The following CPHXL variants were observed in gnomAD, a reference collection of about 807,000 sequenced individuals.
CPHXL encodes cytoplasmic polyadenylated homeobox-like protein.
At position 75,718,370 on chromosome 16, in the gene CPHXL, T is replaced by C; in HGVS notation, c.114A>G (p.Glu38=). 2.5e-6 allele frequency: 1 copy of C among 398,808 alleles called. No individual in the cohort carries two copies. The highest frequency in any genetic ancestry group is 4.4e-6 in the Non-Finnish European group (1 of 226,190). The allele number at this position is 398,808 out of a possible 1,614,324, so 24.7% of individuals were successfully genotyped here. Residue 38 remains glutamate, a synonymous_variant, in exon 2 of 3, where the codon GAA becomes GAG. Coordinates refer to ENST00000640559, the MANE Select transcript of CPHXL (RefSeq NM_001355613.1). ...KTKHRHKFSE[E]LLQELKEIFG... is the part of the protein sequence containing the mutation. ...ATATTTCCTTAAGTTCCTGCAGTAA[T>C]TCTTCAGAAAATTTATGTCGGTGTT...
rs1028916779 is a variant in CPHXL at position 75,718,319 on chromosome 16, G to C, written c.165C>G (p.Tyr55Ter). The C allele has an allele frequency of 2.5e-6, 1 of 398,636 alleles. No individual in the cohort carries two copies. The highest frequency in any genetic ancestry group is 4.4e-6 in the Non-Finnish European group (1 of 226,214). 24.7% of individuals were successfully genotyped at this position (398,636 alleles called of 1,614,324 possible). A position where few individuals can be genotyped will look rare whatever the true frequency, so the allele number is the denominator to read the frequency against. The change falls in exon 2 of 3, where the codon TAC (tyrosine) becomes TAG (stop). Residue 55 changes from tyrosine to a stop codon, truncating the protein, a stop_gained. Coordinates refer to ENST00000640559, the MANE Select transcript of CPHXL (RefSeq NM_001355613.1). LOFTEE classifies it high-confidence loss of function. ...EIFGENCYPDYTTRKTLAIKF... is the reference protein window; with the variant it reads ...EIFGENCYPD Reference sequence around the variant, plus strand: ...TGATGGCCAGTGTTTTCCTAGTTGTGTAATCGGGATAACAGTTCTCTCCAA... The same window carrying C: ...TGATGGCCAGTGTTTTCCTAGTTGTCTAATCGGGATAACAGTTCTCTCCAA...
chr16:75,717,076 C>T (rs1158866031), intron 2 of CPHXL, among the ~76,000 whole-genome samples: 2 of 152,180 alleles, frequency 1.3e-5, no homozygotes, highest in Non-Finnish European at 1.5e-5. Flanking sequence ...TTGAGTCCAC[C>T]TTACCTTTCA....
chr16:75,718,232 C>T (rs934304868), intron 2 of CPHXL, 33 bp downstream of exon 2: 1 of 397,302 alleles, frequency 2.5e-6, no homozygotes, highest in East Asian at 3.6e-5. Flanking sequence ...AAAAAAAAAT[C>T]TAGGAAATAT....
rs1240992451 is a variant in CPHXL, at chr16:75,714,291, A to C, written c.1151T>G (p.Leu384Arg). ...SLQIAADSPL[L>R]PLGQDMQERA... ...TTCCTGCATATCTTGCCCCAGAGGCAGAAGGGGTGAGTCGGCAGCTATTTG... is the reference window on the plus strand; with the variant it reads ...TTCCTGCATATCTTGCCCCAGAGGCCGAAGGGGTGAGTCGGCAGCTATTTG... The change falls in exon 3 of 3, where the codon CTG becomes CGG. Residue 384 changes from leucine to arginine, a missense_variant. Coordinates refer to ENST00000640559, the MANE Select transcript of CPHXL (RefSeq NM_001355613.1). The C allele has an allele frequency of 2.5e-6, 1 of 398,568 alleles. No individual in the cohort carries two copies. Among genetic ancestry groups the C allele is most frequent in the Non-Finnish European group, 4.4e-6 (1 of 226,126 alleles). The allele number at this position is 398,568 out of a possible 1,614,324, so 24.7% of individuals were successfully genotyped here.
chr16:75,722,470 A>G (rs1291894327), intron 1 of CPHXL, among the ~76,000 whole-genome samples: 4 of 152,194 alleles, frequency 2.6e-5, no homozygotes, highest in Non-Finnish European at 5.9e-5. Context: ...AGAGAATACT[A>G]TAAACACCTC....
At position 75,714,603 on chromosome 16, in the gene CPHXL, A is replaced by G. The variant is rs1365981275; in HGVS notation, c.839T>C (p.Leu280Ser). 2.5e-6 allele frequency: 1 copy of G among 398,556 alleles called. No homozygotes were observed. The highest frequency in any genetic ancestry group is 4.4e-5 in the Admixed American group (1 of 22,716). The allele number at this position is 398,556 out of a possible 1,614,324, so 24.7% of individuals were successfully genotyped here. Residue 280 changes from leucine to serine, a missense_variant, in exon 3 of 3, where the codon TTG becomes TCG. By Grantham distance (145) the Leu-to-Ser change is moderately radical. Transcript: ENST00000640559. ...KESQHASPFLLDYAQGAYGVK... is the reference protein window; with the variant it reads ...KESQHASPFLSDYAQGAYGVK... ...CCCATATGCACCTTGAGCGTAATCC[A>G]AAAGGAAAGGACTTGCATGCTGGCT...
In CPHXL at chr16:75,714,148, T is replaced by C. The variant is rs995980380; in HGVS notation, c.*76A>G. On this transcript the variant is annotated 3_prime_UTR_variant, in exon 3 of 3. Transcript: ENST00000640559. Reference sequence around the variant, plus strand: ...ACTGTGGGCCTGACCTGCGACTGTGTTTCTCTGACACTTAGCACTACTTTG... The same window carrying C: ...ACTGTGGGCCTGACCTGCGACTGTGCTTCTCTGACACTTAGCACTACTTTG... The C allele has an allele frequency of 5.0e-6, 2 of 398,192 alleles. No homozygotes were observed. Among genetic ancestry groups the C allele is most frequent in the Admixed American group, 4.4e-5 (1 of 22,694 alleles). The allele number at this position is 398,192 out of a possible 1,614,324, so 24.7% of individuals were successfully genotyped here.
chr16:75,714,919 A>G lies in CPHXL; in HGVS notation c.523T>C (p.Tyr175His). Residue 175 changes from tyrosine to histidine, a missense_variant, in exon 3 of 3, where the codon TAT (tyrosine) becomes CAT (histidine). Transcript: ENST00000640559. ...PSQQVGPQCS[Y>H]LEKPGIPSQQ... Reference sequence around the variant, plus strand: ...CTGGGAATCCCTGGTTTCTCCAGATAAGAGCACTGGGGGCCCACCTGTTGA... The same window carrying G: ...CTGGGAATCCCTGGTTTCTCCAGATGAGAGCACTGGGGGCCCACCTGTTGA... The G allele has an allele frequency of 2.5e-6, 1 of 398,668 alleles. No individual in the cohort carries two copies. Among genetic ancestry groups the G allele is most frequent in the Non-Finnish European group, 4.4e-6 (1 of 226,086 alleles). The allele number at this position is 398,668 out of a possible 1,614,324, so 24.7% of individuals were successfully genotyped here. A position where few individuals can be genotyped will look rare whatever the true frequency, so the allele number is the denominator to read the frequency against.
intron 1 of CPHXL, among the ~76,000 whole-genome samples, chr16:75,720,104 T>C (rs11866651): frequency 0.6 from 90,631 of 151,976 alleles, 30,466 homozygotes; most frequent in East Asian, 0.96. Flanking sequence ...CCCATCTGTA[T>C]GTCACCATCA....
intron 1 of CPHXL, among the ~76,000 whole-genome samples, chr16:75,723,504 G>A (rs1959507804): frequency 6.6e-6 from 1 of 152,188 alleles, no homozygotes; most frequent in Non-Finnish European, 1.5e-5. Flanking sequence ...ATTTGCAGTT[G>A]CTTCAAAGAG....
chr16:75,714,712 G>A lies in CPHXL; in HGVS notation c.730C>T (p.Leu244Phe), dbSNP rs1173556668. The part of the protein sequence containing the change: ...GSGHSTAYHF[L>F]SYNSAECLHP... ...AGGCATTCTGCAGAGTTGTAGCTGA[G>A]AAAATGATAGGCAGTAGAATGCCCA... is the stretch of plus-strand genomic sequence containing the variant. Residue 244 changes from leucine (L) to phenylalanine (F), a missense_variant, in exon 3 of 3, where the codon CTC (leucine) becomes TTC (phenylalanine). Transcript: ENST00000640559. The A allele has an allele frequency of 1.0e-5, 4 of 398,524 alleles. No individual in the cohort carries two copies. Among genetic ancestry groups the A allele is most frequent in the African/African-American group, 6.2e-5 (3 of 48,640 alleles). The allele number at this position is 398,524 out of a possible 1,614,324, so 24.7% of individuals were successfully genotyped here. A position where few individuals can be genotyped will look rare whatever the true frequency, so the allele number is the denominator to read the frequency against.
intron 1 of CPHXL, among the ~76,000 whole-genome samples, chr16:75,724,860 G>T (rs977513205): frequency 1.3e-5 from 2 of 152,262 alleles, no homozygotes; most frequent in East Asian, 3.9e-4. Flanking sequence ...CAATAGCAAA[G>T]ACTTGGAACC....
intron 2 of CPHXL, among the ~76,000 whole-genome samples, chr16:75,716,579 C>T (rs952088072): frequency 2.6e-5 from 4 of 152,238 alleles, no homozygotes; most frequent in African/African-American, 9.6e-5. Flanking sequence ...AAGCCACCTC[C>T]AGGAACTTCC....
intron 1 of CPHXL, among the ~76,000 whole-genome samples, chr16:75,722,591 C>A (rs1056299856): frequency 1.3e-5 from 2 of 152,136 alleles, no homozygotes; most frequent in African/African-American, 2.4e-5. Flanking sequence ...CAATAACAGG[C>A]TCTGAAATTG....
chr16:75,717,645 A>AT (rs1314488073), intron 2 of CPHXL, among the ~76,000 whole-genome samples: 3 of 151,750 alleles, frequency 2.0e-5, no homozygotes, highest in Non-Finnish European at 4.4e-5. Flanking sequence ...CTCCTCTCAC[A>AT]TTTTTTTTGA....
At chr16:75,721,984 C>A (rs1246854912) in intron 1 of CPHXL, among the ~76,000 whole-genome samples, 2 of 152,206 alleles carry the variant, frequency 1.3e-5, no homozygotes, top group African/African-American at 4.8e-5. Context: ...GGAAACTGAA[C>A]AACCTGCTCC....
intron 2 of CPHXL, among the ~76,000 whole-genome samples, chr16:75,717,612 C>A (rs1488066379): frequency 6.6e-6 from 1 of 152,072 alleles, no homozygotes; most frequent in Admixed American, 6.6e-5. Context: ...TTGTTATTTG[C>A]TCCCCACCCC....
chr16:75,719,852 C>G (rs1251614575), intron 1 of CPHXL, among the ~76,000 whole-genome samples: 1 of 152,104 alleles, frequency 6.6e-6, no homozygotes, highest in Non-Finnish European at 1.5e-5. Context: ...GAGACACCCC[C>G]CAGTAGGGGC....
rs112603572 is a variant in CPHXL at position 75,719,896 on chromosome 16, G to A, written c.26-1438C>T. ...ACCTCACACGGCCGGGTACTCCTCC[G>A]AGACAAAACTTCTAGAGGAACGATC... On this transcript the variant is annotated intron_variant, in intron 1 of 2. Coordinates refer to ENST00000640559, the MANE Select transcript of CPHXL (RefSeq NM_001355613.1). Among the ~76,000 whole-genome samples, 1,410 of 152,164 alleles carry A rather than the reference G, an allele frequency of 9.3e-3. 25 individuals are homozygous for A. Among genetic ancestry groups the A allele is most frequent in the African/African-American group, 0.029 (1,190 of 41,500 alleles).
Sources: gnomAD v4.1 joint callset for allele counts (sites outside exome capture counted in the v4.1 genomes callset) on GRCh38, gnomAD v4.1.1 for gene constraint, MANE v1.5 for transcripts, NCBI Gene and HGNC (gene_info 2026-07-23, HGNC 2026-07-21) for gene names.